GOLPH3: variants seen among roughly 807,000 people sequenced by gnomAD.
The protein encoded by GOLPH3 is coat protein GPP34.
GOLPH3 carries 14 observed loss-of-function variants against 28.5 expected under a neutral mutation model. The ratio of observed to expected loss-of-function variants is 0.49; its 90% CI spans 0.32 to 0.77. GOLPH3 has a LOEUF of 0.77. Ranked by LOEUF, GOLPH3 falls within the 30% of genes least tolerant of loss-of-function variation. The pLI, the probability that GOLPH3 is intolerant of heterozygous loss-of-function variation, is 0.03. For synonymous variants in GOLPH3, 158 were observed against 159.2 expected, an observed-to-expected ratio of 0.99 and a Z score of 0.06; for missense variants, 350 against 393.7, an observed-to-expected ratio of 0.89 and a Z score of 0.94.
chr5:32,160,058 A>G (rs978942787), intron 1 of GOLPH3, among the ~76,000 whole-genome samples: 3 of 152,162 alleles, frequency 2.0e-5, no homozygotes, highest in Non-Finnish European at 4.4e-5. Flanking sequence ...ATAATGCTGC[A>G]TAAAGCAAAA....
At chr5:32,161,818 G>C (rs1265646100) in intron 1 of GOLPH3, among the ~76,000 whole-genome samples, 3 of 150,786 alleles carry the variant, frequency 2.0e-5, no homozygotes, top group Non-Finnish European at 2.9e-5. Flanking sequence ...ACGAGGTCAG[G>C]AGATCAAAAC....
intron 1 of GOLPH3, among the ~76,000 whole-genome samples, chr5:32,153,553 T>C (rs1021379904): frequency 2.6e-5 from 4 of 152,106 alleles, no homozygotes; most frequent in African/African-American, 4.8e-5. Flanking sequence ...TACAAAGAAA[T>C]TGTAAGCCAA....
chr5:32,152,472 C>T (rs867599678), intron 1 of GOLPH3, among the ~76,000 whole-genome samples: 2 of 145,974 alleles, frequency 1.4e-5, no homozygotes, highest in Middle Eastern at 3.4e-3. Flanking sequence ...TCATGCTTAC[C>T]TATCAGACCG....
chr5:32,128,924 C>CA (rs927454870), intron 3 of GOLPH3, among the ~76,000 whole-genome samples: 13 of 152,094 alleles, frequency 8.5e-5, no homozygotes, highest in Middle Eastern at 3.4e-3. Flanking sequence ...CCCGTCTCTA[C>CA]AAAAAATACA....
chr5:32,151,269 G>A (rs1420793511), intron 1 of GOLPH3, among the ~76,000 whole-genome samples: 1 of 144,718 alleles, frequency 6.9e-6, no homozygotes, highest in African/African-American at 2.6e-5. Context: ...GCTTACACCC[G>A]TAATCCCAGC....
At chr5:32,165,178 G>A (rs1230575350) in intron 1 of GOLPH3, among the ~76,000 whole-genome samples, 1 of 152,040 alleles carries the variant, frequency 6.6e-6, no homozygotes, top group Non-Finnish European at 1.5e-5. Context: ...GGGATTATAG[G>A]CATGAGCCAC....
At chr5:32,141,318 G>A (rs966967422) in intron 2 of GOLPH3, among the ~76,000 whole-genome samples, 3 of 152,160 alleles carry the variant, frequency 2.0e-5, no homozygotes, top group African/African-American at 7.2e-5. Context: ...GAAACACCAT[G>A]CTCAAGAAAC....
intron 1 of GOLPH3, among the ~76,000 whole-genome samples, chr5:32,150,883 G>A (rs1387185836): frequency 1.3e-5 from 2 of 152,170 alleles, no homozygotes; most frequent in Non-Finnish European, 2.9e-5. Context: ...AACATGGAAA[G>A]ATGAACATTT....
rs1043446278 is a variant in GOLPH3, at chr5:32,126,148, A to C, written c.*64T>G. 3 of 1,469,938 alleles carry C rather than the reference A, an allele frequency of 2.0e-6. No individual in the cohort carries two copies. The highest frequency in any genetic ancestry group is 2.8e-6 in the Non-Finnish European group (3 of 1,084,680). The allele number at this position is 1,469,938 out of a possible 1,614,324, so 91.1% of individuals were successfully genotyped here. A position where few individuals can be genotyped will look rare whatever the true frequency, so the allele number is the denominator to read the frequency against. ...AAAGTACAAATTACAGAAAACCAGAAGTCAACAGAAGAAAAACTACTGGTT... is the reference window on the plus strand; with the variant it reads ...AAAGTACAAATTACAGAAAACCAGACGTCAACAGAAGAAAAACTACTGGTT... On this transcript the variant is annotated 3_prime_UTR_variant, in exon 4 of 4. Transcript: ENST00000265070.
chr5:32,136,048 G>A (rs546739092), intron 2 of GOLPH3, among the ~76,000 whole-genome samples: 3 of 152,210 alleles, frequency 2.0e-5, no homozygotes, highest in South Asian at 2.1e-4. Flanking sequence ...GGTGGTGCAC[G>A]CCTGTAATCC....
intron 1 of GOLPH3, among the ~76,000 whole-genome samples, chr5:32,164,949 G>C (rs1006866455): frequency 1.4e-5 from 2 of 144,902 alleles, no homozygotes; most frequent in Non-Finnish European, 3.0e-5. Flanking sequence ...GCCCAGGCTG[G>C]AGTGCAGTGG....
At chr5:32,166,421 C>G (rs543493228) in intron 1 of GOLPH3, among the ~76,000 whole-genome samples, 1 of 152,260 alleles carries the variant, frequency 6.6e-6, no homozygotes, top group Non-Finnish European at 1.5e-5. Context: ...AAACAGGTTG[C>G]AGTCTTCCCA....
At chr5:32,160,805 C>G (rs1283811385) in intron 1 of GOLPH3, among the ~76,000 whole-genome samples, 1 of 152,164 alleles carries the variant, frequency 6.6e-6, no homozygotes, top group Admixed American at 6.5e-5. Context: ...CGGTGGCTCA[C>G]GCCTGTAATC....
intron 1 of GOLPH3, among the ~76,000 whole-genome samples, chr5:32,168,677 C>A (rs1380593064): frequency 2.0e-5 from 3 of 152,192 alleles, no homozygotes; most frequent in African/African-American, 7.2e-5. Flanking sequence ...GATCCACACG[C>A]TGACATGACT....
chr5:32,138,211 T>A (rs1745977837), intron 2 of GOLPH3, among the ~76,000 whole-genome samples: 1 of 152,100 alleles, frequency 6.6e-6, no homozygotes, highest in African/African-American at 2.4e-5. Context: ...CAATTTAACA[T>A]CACTTTTAAA....
chr5:32,162,261 G>C (rs1746599591), intron 1 of GOLPH3, among the ~76,000 whole-genome samples: 1 of 150,860 alleles, frequency 6.6e-6, no homozygotes, highest in African/African-American at 2.5e-5. Flanking sequence ...GGGAGGCCAA[G>C]GTGGGCGGAT....
chr5:32,160,839 G>A (rs768666473), intron 1 of GOLPH3, among the ~76,000 whole-genome samples: 10 of 152,116 alleles, frequency 6.6e-5, no homozygotes, highest in East Asian at 3.9e-4. Context: ...AGGCCAAGGC[G>A]GGCGGACCAC....
intron 1 of GOLPH3, among the ~76,000 whole-genome samples, chr5:32,144,472 C>T (rs919761476): frequency 2.6e-5 from 4 of 152,176 alleles, no homozygotes; most frequent in Non-Finnish European, 5.9e-5. Flanking sequence ...CACCTGTAGT[C>T]GCAGCTACCC....
At chr5:32,151,244 A>G (rs1188582768) in intron 1 of GOLPH3, among the ~76,000 whole-genome samples, 7 of 143,078 alleles carry the variant, frequency 4.9e-5, no homozygotes, top group African/African-American at 1.8e-4. Flanking sequence ...TAATATTTTG[A>G]GGCCAGGCAC....
Sources: allele counts gnomAD v4.1 joint callset (sites outside exome capture counted in the v4.1 genomes callset), GRCh38; gene constraint gnomAD v4.1.1; transcripts MANE v1.5; gene names NCBI Gene and HGNC (gene_info 2026-07-23, HGNC 2026-07-21).